Variants in SYTL1 observed in about 807,000 individuals in gnomAD.
SYTL1 encodes the protein synaptotagmin like 1.
In SYTL1, 53 loss-of-function variants were observed where a neutral mutation model predicts 74.6. The ratio of observed to expected loss-of-function variants is 0.71; its 90% CI spans 0.57 to 0.89. SYTL1 has a LOEUF of 0.89. Ranked by LOEUF, SYTL1 falls within the 40% of genes least tolerant of loss-of-function variation. The probability of loss-of-function intolerance (pLI) is 0.00; values close to 1 mark genes in which losing one functional copy is unlikely to be tolerated. For missense variants in SYTL1, 728 were observed against 768.7 expected (o/e 0.95, Z 0.63); for synonymous variants, 329 against 324.9 (o/e 1.01, Z -0.14).
chr1:27,347,368 C>T lies in SYTL1; in HGVS notation c.192-53C>T, dbSNP rs972155433. ...CCAAGCCTGTTAACAATGTAGGTGG[C>T]GGGAATGTTGCTTGGGTGAGTCATG... On this transcript the variant is annotated intron_variant, in intron 2 of 14. Coordinates refer to ENST00000616558, the MANE Select transcript of SYTL1 (RefSeq NM_001193308.2). The surrounding 1 kb of genome is among the most constrained non-coding windows in gnomAD (Gnocchi z 4.9). The T allele has an allele frequency of 1.4e-5, 23 of 1,611,506 alleles. No individual in the cohort carries two copies. Among genetic ancestry groups the T allele is most frequent in the Middle Eastern group, 1.6e-4 (1 of 6,074 alleles).
Position 27,351,325 on chromosome 1 carries a change from C to G in SYTL1, c.1232C>G (p.Ala411Gly), listed in dbSNP as rs182454567. Residue 411 changes from alanine to glycine, a missense_variant, in exon 12 of 15, where the codon GCC (alanine) becomes GGC (glycine). Ala to Gly is a moderately conservative substitution (Grantham distance 60). Transcript: ENST00000616558. The surrounding 1 kb of genome is among the most constrained non-coding windows in gnomAD (Gnocchi z 5.0). ...GCCCTGTCCCTCAAGTACGTCCCCG[C>G]CGGCTCCGAGGGTGAGTGACAGCCG... ...LLALSLKYVP[A>G]GSEGAGLPPS... is the part of the protein sequence containing the mutation. The G allele has an allele frequency of 1.3e-6, 2 of 1,556,178 alleles. No homozygotes were observed. The highest frequency in any genetic ancestry group is 1.7e-6 in the Non-Finnish European group (2 of 1,150,450).
chr1:27,350,998 T>A lies in SYTL1; in HGVS notation c.1164+46T>A. The A allele has an allele frequency of 6.2e-7, 1 of 1,603,814 alleles. No homozygotes were observed. Among genetic ancestry groups the A allele is most frequent in the Non-Finnish European group, 8.5e-7 (1 of 1,174,396 alleles). On this transcript the variant is annotated intron_variant, in intron 11 of 14. Coordinates refer to ENST00000616558, the MANE Select transcript of SYTL1 (RefSeq NM_001193308.2). The surrounding 1 kb of genome is among the most constrained non-coding windows in gnomAD (Gnocchi z 6.3). ...GGGGAGACCTGCGGCCCGGGTCTCC[T>A]GCATTTACCCCACCAGGCTCTCCCG...
chr1:27,351,670 A>C lies in SYTL1; in HGVS notation c.1343+115A>C. On this transcript the variant is annotated intron_variant, in intron 13 of 14. Transcript: ENST00000616558. This position sits in a 1 kb window ranked among gnomAD's most constrained non-coding sequence, Gnocchi z 5.0. Reference sequence around the variant, plus strand: ...CACGCAGCCTGGGCTTTCACCACTGAGCAGGGGTGAAGGGGACGGTTTGAG... The same window carrying C: ...CACGCAGCCTGGGCTTTCACCACTGCGCAGGGGTGAAGGGGACGGTTTGAG... 1.4e-6 allele frequency: 1 copy of C among 690,010 alleles called. No homozygotes were observed. Among genetic ancestry groups the C allele is most frequent in the African/African-American group, 1.8e-5 (1 of 54,494 alleles). The allele number at this position is 690,010 out of a possible 1,614,324, so 42.7% of individuals were successfully genotyped here. A position where few individuals can be genotyped will look rare whatever the true frequency, so the allele number is the denominator to read the frequency against.
Position 27,350,016 on chromosome 1 carries a change from G to T in SYTL1, c.792G>T (p.Val264=). The part of the protein sequence containing the change: ...QMSLSGDAEA[V]QVRGSVHFAL... ...GCCTGTCAGGCGACGCGGAGGCGGT[G>T]CAGGTCCGCGGCTCCGTGCACTTCG... Residue 264 remains valine, a synonymous_variant, in exon 9 of 15, where the codon GTG becomes GTT. Transcript: ENST00000616558. The surrounding 1 kb of genome is among the most constrained non-coding windows in gnomAD (Gnocchi z 6.3). 6.4e-7 allele frequency: 1 copy of T among 1,556,318 alleles called. No individual in the cohort carries two copies. Among genetic ancestry groups the T allele is most frequent in the Non-Finnish European group, 8.6e-7 (1 of 1,160,396 alleles).
At position 27,353,351 on chromosome 1, in the gene SYTL1, C is replaced by G; in HGVS notation, c.1412C>G (p.Pro471Arg). The G allele has an allele frequency of 6.2e-7, 1 of 1,610,964 alleles. No homozygotes were observed. Among genetic ancestry groups the G allele is most frequent in the Non-Finnish European group, 8.5e-7 (1 of 1,178,918 alleles). The part of the protein sequence containing the change: ...RTRVVRRSLS[P>R]VFNHTMVYDG... ...AGGGTTGTGCGACGCAGCCTCAGCC[C>G]TGTGTTCAATCACACCATGGTGTAC... The change falls in exon 14 of 15, where the codon CCT (proline) becomes CGT (arginine). Residue 471 changes from proline to arginine, a missense_variant. By Grantham distance (103) the Pro-to-Arg change is moderately radical. Coordinates refer to ENST00000616558, the MANE Select transcript of SYTL1 (RefSeq NM_001193308.2).
In SYTL1 at chr1:27,347,501, G is replaced by A. The variant is rs772463765; in HGVS notation, c.272G>A (p.Arg91Gln). Residue 91 changes from arginine (R) to glutamine (Q), a missense_variant, in exon 3 of 15, where the codon CGG (arginine) becomes CAG (glutamine). Coordinates refer to ENST00000616558, the MANE Select transcript of SYTL1 (RefSeq NM_001193308.2). The surrounding 1 kb of genome is among the most constrained non-coding windows in gnomAD (Gnocchi z 4.9). ...GDWFQEARSQ[R>Q]HHNAHFGSDL... is the part of the protein sequence containing the mutation. The stretch of plus-strand genomic sequence containing the variant: ...TGGTTCCAGGAAGCACGCTCCCAGC[G>A]GCACCACAATGCCCACTTCGGCTCT... 6 of 1,614,016 alleles carry A rather than the reference G, an allele frequency of 3.7e-6. No homozygotes were observed. The highest frequency in any genetic ancestry group is 2.2e-5 in the East Asian group (1 of 44,904).
chr1:27,353,838 GC>G lies in SYTL1; in HGVS notation c.1680del (p.Arg561GlyfsTer?). 1 of 1,613,474 alleles carries G rather than the reference GC, an allele frequency of 6.2e-7. No individual in the cohort carries two copies. The highest frequency in any genetic ancestry group is 1.1e-5 in the South Asian group (1 of 91,050). On this transcript the variant is annotated frameshift_variant, in exon 15 of 15. Transcript: ENST00000616558. LOFTEE classifies it high-confidence loss of function. Reference sequence around the variant, plus strand: ...CCTTCTACCCCTCAGAACCAACCTGGCCCCCAGGACGTAGCCCCACCAAGCC... The same window carrying G: ...CCTTCTACCCCTCAGAACCAACCTGGCCCCAGGACGTAGCCCCACCAAGCC... ...DGLLPLRTNL[A>X]PRT is the part of the protein sequence containing the mutation.
chr1:27,347,403 C>A lies in SYTL1; in HGVS notation c.192-18C>A. 1.2e-6 allele frequency: 2 copies of A among 1,613,910 alleles called. No homozygotes were observed. Among genetic ancestry groups the A allele is most frequent in the African/African-American group, 1.3e-5 (1 of 75,054 alleles). ...GCTTGGGTGAGTCATGACAGCCACACCCTCCCCCTTCCTCCAGCAAGCTCC... is the reference window on the plus strand; with the variant it reads ...GCTTGGGTGAGTCATGACAGCCACAACCTCCCCCTTCCTCCAGCAAGCTCC... On this transcript the variant is annotated intron_variant, in intron 2 of 14. Transcript: ENST00000616558. This position sits in a 1 kb window ranked among gnomAD's most constrained non-coding sequence, Gnocchi z 4.9.
chr1:27,347,874 A>G lies in SYTL1; in HGVS notation c.407A>G (p.Glu136Gly), dbSNP rs766824243. The change falls in exon 4 of 15, where the codon GAG becomes GGG. Residue 136 changes from glutamate to glycine, a missense_variant. By Grantham distance (98) the Glu-to-Gly change is moderately conservative (BLOSUM62 -2). Coordinates refer to ENST00000616558, the MANE Select transcript of SYTL1 (RefSeq NM_001193308.2). This position sits in a 1 kb window ranked among gnomAD's most constrained non-coding sequence, Gnocchi z 4.9. Reference protein sequence around the residue: ...AAVKEKEEGPEPRLTIDEAPQ... With the variant: ...AAVKEKEEGPGPRLTIDEAPQ... ...GTGAAAGAGAAGGAAGAGGGGCCAGAGCCCAGGTGAGGAGGAGTCTCAGGA... is the reference window on the plus strand; with the variant it reads ...GTGAAAGAGAAGGAAGAGGGGCCAGGGCCCAGGTGAGGAGGAGTCTCAGGA... The G allele has an allele frequency of 6.2e-7, 1 of 1,614,018 alleles. No individual in the cohort carries two copies. The highest frequency in any genetic ancestry group is 2.2e-5 in the East Asian group (1 of 44,898).
chr1:27,351,251 C>T lies in SYTL1; in HGVS notation c.1165-7C>T, dbSNP rs1483405441. ...CCCCTGCTCCACGATAAGCCCGCCT[C>T]TCGCAGGTCCCACCCTCTCCCGACG... On this transcript the variant is annotated splice_polypyrimidine_tract_variant and splice_region_variant and intron_variant, in intron 11 of 14. Transcript: ENST00000616558. The surrounding 1 kb of genome is among the most constrained non-coding windows in gnomAD (Gnocchi z 5.0). 8 of 1,555,254 alleles carry T rather than the reference C, an allele frequency of 5.1e-6. No individual in the cohort carries two copies. The highest frequency in any genetic ancestry group is 4.8e-5 in the East Asian group (2 of 41,468).
rs1390547610 is a variant in SYTL1 at position 27,350,117 on chromosome 1, G to T, written c.893G>T (p.Arg298Leu). 1 of 1,391,454 alleles carries T rather than the reference G, an allele frequency of 7.2e-7. No individual in the cohort carries two copies. The highest frequency in any genetic ancestry group is 9.3e-7 in the Non-Finnish European group (1 of 1,076,852). The allele number at this position is 1,391,454 out of a possible 1,614,324, so 86.2% of individuals were successfully genotyped here. A position where few individuals can be genotyped will look rare whatever the true frequency, so the allele number is the denominator to read the frequency against. Residue 298 changes from arginine to leucine, a missense_variant, in exon 9 of 15, where the codon CGC becomes CTC. Coordinates refer to ENST00000616558, the MANE Select transcript of SYTL1 (RefSeq NM_001193308.2). The surrounding 1 kb of genome is among the most constrained non-coding windows in gnomAD (Gnocchi z 6.3). ...TGCCAGGGCCTGGCCGCCGCCCGGC[G>T]CCGCCGCTCGGACCCGTGAGTGCCC... is the stretch of plus-strand genomic sequence containing the variant. ...IQCQGLAAARRRRSDPYVKSY... is the reference protein window; with the variant it reads ...IQCQGLAAARLRRSDPYVKSY...
chr1:27,349,600 CG>C, intron 7 of SYTL1, 51 bp from the exon 8 acceptor site: 1 of 1,542,872 alleles, frequency 6.5e-7, no homozygotes. Context: ...CCAGGGCGCT[CG>C]GGGCAGGGGT....
Position 27,350,048 on chromosome 1 carries a change from A to C in SYTL1, c.824A>C (p.His275Pro). The C allele has an allele frequency of 6.6e-7, 1 of 1,522,390 alleles. No homozygotes were observed. The highest frequency in any genetic ancestry group is 2.6e-5 in the East Asian group (1 of 37,760). The allele number at this position is 1,522,390 out of a possible 1,614,324, so 94.3% of individuals were successfully genotyped here. A position where few individuals can be genotyped will look rare whatever the true frequency, so the allele number is the denominator to read the frequency against. Reference sequence around the variant, plus strand: ...CGCGGCTCCGTGCACTTCGCGCTGCACTACGAGCCGGGCGCCGCCGAGCTG... The same window carrying C: ...CGCGGCTCCGTGCACTTCGCGCTGCCCTACGAGCCGGGCGCCGCCGAGCTG... ...QVRGSVHFAL[H>P]YEPGAAELRV... The change falls in exon 9 of 15, where the codon CAC becomes CCC. Residue 275 changes from histidine to proline, a missense_variant. Transcript: ENST00000616558. The surrounding 1 kb of genome is among the most constrained non-coding windows in gnomAD (Gnocchi z 6.3).
rs148471214 is a variant in SYTL1 at position 27,347,608 on chromosome 1, G to C, written c.340+39G>C. ...CTCGGGGCAGGGCAAGCCATGTGCC[G>C]TCCAGGGCGCTGGCTGTATGTGGAC... On this transcript the variant is annotated intron_variant, in intron 3 of 14. Coordinates refer to ENST00000616558, the MANE Select transcript of SYTL1 (RefSeq NM_001193308.2). The surrounding 1 kb of genome is among the most constrained non-coding windows in gnomAD (Gnocchi z 4.9). 1 of 1,606,004 alleles carries C rather than the reference G, an allele frequency of 6.2e-7. No homozygotes were observed. Among genetic ancestry groups the C allele is most frequent in the Non-Finnish European group, 8.5e-7 (1 of 1,175,706 alleles).
chr1:27,347,672 C>G lies in SYTL1; in HGVS notation c.340+103C>G. 2 of 1,525,698 alleles carry G rather than the reference C, an allele frequency of 1.3e-6. No individual in the cohort carries two copies. The highest frequency in any genetic ancestry group is 1.8e-6 in the Non-Finnish European group (2 of 1,123,884). The allele number at this position is 1,525,698 out of a possible 1,614,324, so 94.5% of individuals were successfully genotyped here. ...CACTAGGGCTCCAGTCCTGGCTGCC[C>G]CCAGTACTGTGTGTCTTTCAGTGGG... is the stretch of plus-strand genomic sequence containing the variant. On this transcript the variant is annotated intron_variant, in intron 3 of 14. Transcript: ENST00000616558. This position sits in a 1 kb window ranked among gnomAD's most constrained non-coding sequence, Gnocchi z 4.9.
rs770849511 is a variant in SYTL1, at chr1:27,351,526, G to A, written c.1314G>A (p.Arg438=). The A allele has an allele frequency of 2.6e-6, 4 of 1,548,840 alleles. No homozygotes were observed. The highest frequency in any genetic ancestry group is 3.5e-6 in the Non-Finnish European group (4 of 1,146,072). The change falls in exon 13 of 15, where the codon CGG becomes CGA. Residue 438 remains arginine, a synonymous_variant. Transcript: ENST00000616558. This position sits in a 1 kb window ranked among gnomAD's most constrained non-coding sequence, Gnocchi z 5.0. ...VKEARDLLPL[R]AGSLDTYVQC... ...AGGCTCGGGACCTCCTGCCGCTGCGGGCAGGATCCCTGGACACTTACGTAC... is the reference window on the plus strand; with the variant it reads ...AGGCTCGGGACCTCCTGCCGCTGCGAGCAGGATCCCTGGACACTTACGTAC...
rs1253364691 is a variant in SYTL1 at position 27,350,381 on chromosome 1, C to T, written c.909-8C>T. The T allele has an allele frequency of 6.2e-7, 1 of 1,613,544 alleles. No homozygotes were observed. The highest frequency in any genetic ancestry group is 8.5e-7 in the Non-Finnish European group (1 of 1,179,504). On this transcript the variant is annotated splice_polypyrimidine_tract_variant and splice_region_variant and intron_variant, in intron 9 of 14. Coordinates refer to ENST00000616558, the MANE Select transcript of SYTL1 (RefSeq NM_001193308.2). The surrounding 1 kb of genome is among the most constrained non-coding windows in gnomAD (Gnocchi z 6.3). ...GCCCCTCCTCACCTCGGGTTCTCAC[C>T]TCCCCAGCTACGTCAAAAGCTACCT...
intron 7 of SYTL1, 37 bp downstream of exon 7, chr1:27,349,535 G>A (rs199866369): frequency 3.5e-4 from 505 of 1,463,510 alleles, no homozygotes; most frequent in Non-Finnish European, 4.3e-4. Context: ...CTCAACATCC[G>A]GAGCGGACTC....
chr1:27,353,621 G>T (rs943759253), intron 14 of SYTL1, 92 bp from the exon 15 acceptor site: 7 of 1,560,934 alleles, frequency 4.5e-6, no homozygotes, highest in Non-Finnish European at 5.2e-6. Context: ...TGGTAACGGG[G>T]GACAGTGCAT....
Sources: allele counts gnomAD v4.1 joint callset, GRCh38; gene constraint gnomAD v4.1.1; non-coding constraint Gnocchi (gnomAD v3.1); transcripts MANE v1.5; gene names NCBI Gene and HGNC (gene_info 2026-07-23, HGNC 2026-07-21).